OR6N1: variants seen among roughly 807,000 people sequenced by gnomAD.
OR6N1 encodes olfactory receptor 6N1.
For missense variants in OR6N1, 394 were observed against 371.7 expected (o/e 1.06, Z -0.49); for synonymous variants, 170 against 150.7 (o/e 1.13, Z -0.94).
rs1657184274 is a variant in OR6N1 at position 158,764,300 on chromosome 1, TG to T, written c.*1443del. The T allele has an allele frequency of 2.0e-5, 3 of 150,900 alleles. No homozygotes were observed. The South Asian group carries it at 6.2e-4, about 31-fold the overall frequency. The allele number at this position is 150,900 out of a possible 1,614,324, so 9.3% of individuals were successfully genotyped here. A position where few individuals can be genotyped will look rare whatever the true frequency, so the allele number is the denominator to read the frequency against. On this transcript the variant is annotated 3_prime_UTR_variant, in exon 2 of 2. Coordinates refer to ENST00000641846, the MANE Select transcript of OR6N1 (RefSeq NM_001005185.2). ...ATTCTCAATAAACTTCAAAGACAAG[TG>T]AAAAAAAAGGAGAATGCATGTTTAT... is the stretch of plus-strand genomic sequence containing the variant.
At chr1:158,801,189 G>A in the OR6N1 span, among the ~76,000 whole-genome samples, 2 of 150,940 alleles carry the variant, frequency 1.3e-5, no homozygotes, top group Non-Finnish European at 2.9e-5. Flanking sequence ...GTGTGTGTGT[G>A]TGTGGTCTGT....
chr1:158,783,721 A>G, the OR6N1 span, among the ~76,000 whole-genome samples: 1 of 152,150 alleles, frequency 6.6e-6, no homozygotes, highest in South Asian at 2.1e-4. Context: ...GAAGACAGGG[A>G]CTGTATTTTT....
chr1:158,773,610 C>T (rs1037745731), upstream of OR6N1, among the ~76,000 whole-genome samples: 10 of 152,128 alleles, frequency 6.6e-5, no homozygotes, highest in Non-Finnish European at 1.0e-4. Context: ...GACTAAACCT[C>T]AGCCTTGGCT....
the OR6N1 span, among the ~76,000 whole-genome samples, chr1:158,798,314 A>G: frequency 1.3e-5 from 2 of 150,196 alleles, no homozygotes; most frequent in African/African-American, 4.9e-5. Flanking sequence ...TCTAATTTTT[A>G]AACTTGAATG....
the OR6N1 span, among the ~76,000 whole-genome samples, chr1:158,836,315 TA>T: frequency 3.3e-5 from 5 of 152,008 alleles, no homozygotes; most frequent in African/African-American, 1.2e-4. Flanking sequence ...AATTCTTCTT[TA>T]TATATTTGGT....
chr1:158,820,661 A>G, the OR6N1 span, among the ~76,000 whole-genome samples: 1 of 152,216 alleles, frequency 6.6e-6, no homozygotes, highest in Non-Finnish European at 1.5e-5. Flanking sequence ...CTAAAATCCC[A>G]AACAGTTTTT....
At chr1:158,788,980 A>C in the OR6N1 span, among the ~76,000 whole-genome samples, 1 of 152,206 alleles carries the variant, frequency 6.6e-6, no homozygotes, top group African/African-American at 2.4e-5. Context: ...AGAAATTGAC[A>C]AAATATGTAA....
chr1:158,810,908 G>A, the OR6N1 span, among the ~76,000 whole-genome samples: 7 of 150,610 alleles, frequency 4.6e-5, no homozygotes, highest in East Asian at 7.7e-4. Context: ...ATACATGTGC[G>A]GTACATGTAC....
At chr1:158,777,770 C>CAG in the OR6N1 span, 1 of 602,578 alleles carries the variant, frequency 1.7e-6, no homozygotes. Context: ...GCCCTCACTA[C>CAG]TATTACTATT....
At chr1:158,779,517 C>A in the OR6N1 span, among the ~76,000 whole-genome samples, 1 of 152,352 alleles carries the variant, frequency 6.6e-6, no homozygotes, top group African/African-American at 2.4e-5. Flanking sequence ...ACATTTCTTT[C>A]AAACTCAAAT....
At chr1:158,839,958 C>G in the OR6N1 span, among the ~76,000 whole-genome samples, 1 of 152,076 alleles carries the variant, frequency 6.6e-6, no homozygotes, top group Non-Finnish European at 1.5e-5. Flanking sequence ...ACATTTTGAC[C>G]AGATACAAAA....
chr1:158,771,381 C>G (rs372469906), intron 1 of OR6N1, among the ~76,000 whole-genome samples: 1 of 152,052 alleles, frequency 6.6e-6, no homozygotes, highest in African/African-American at 2.4e-5. Context: ...CTGATATATC[C>G]GAGTTATGGT....
the OR6N1 span, among the ~76,000 whole-genome samples, chr1:158,839,672 C>T: frequency 6.6e-6 from 1 of 152,162 alleles, no homozygotes; most frequent in South Asian, 2.1e-4. Flanking sequence ...AAGTTTCCTC[C>T]TGATCACGTC....
chr1:158,811,763 A>G, the OR6N1 span, among the ~76,000 whole-genome samples: 1 of 152,226 alleles, frequency 6.6e-6, no homozygotes, highest in African/African-American at 2.4e-5. Context: ...AGATTTTCAC[A>G]CGGATCACAT....
the OR6N1 span, among the ~76,000 whole-genome samples, chr1:158,806,930 G>A: frequency 6.7e-6 from 1 of 149,918 alleles, no homozygotes; most frequent in African/African-American, 2.5e-5. Context: ...TTGAACTCGG[G>A]AGGCAGTGGT....
the OR6N1 span, chr1:158,777,574 C>T: frequency 6.2e-7 from 1 of 1,614,044 alleles, no homozygotes; most frequent in Non-Finnish European, 8.5e-7. Flanking sequence ...CCTGACATAG[C>T]CCACACTGGC....
chr1:158,830,969 T>C, the OR6N1 span, among the ~76,000 whole-genome samples: 149 of 152,270 alleles, frequency 9.8e-4, no homozygotes, highest in Non-Finnish European at 1.9e-3. Context: ...CAAGTTCTGG[T>C]AGCAATAGAC....
rs1657280085 is a variant in OR6N1 at position 158,766,618 on chromosome 1, C to T, written c.65G>A (p.Gly22Asp). The T allele has an allele frequency of 6.2e-7, 1 of 1,613,788 alleles. No individual in the cohort carries two copies. Among genetic ancestry groups the T allele is most frequent in the Admixed American group, 1.7e-5 (1 of 59,960 alleles). The stretch of plus-strand genomic sequence containing the variant: ...CAAGAGGAAGAGATAAATCTGGACA[C>T]CCTGGAGATGGGGGAAGCCCAAGAT... Reference protein sequence around the residue: ...FIILGFPHLQGVQIYLFLLLL... With the variant: ...FIILGFPHLQDVQIYLFLLLL... Residue 22 changes from glycine to aspartate, a missense_variant, in exon 2 of 2, where the codon GGT becomes GAT. Coordinates refer to ENST00000641846, the MANE Select transcript of OR6N1 (RefSeq NM_001005185.2).
rs74122468 is a variant in OR6N1, at chr1:158,770,616, G to T, written c.-19+1405C>A. On this transcript the variant is annotated intron_variant, in intron 1 of 1. Coordinates refer to ENST00000641846, the MANE Select transcript of OR6N1 (RefSeq NM_001005185.2). ...ATTTCACTGGATTGTTGGAATATCT[G>T]AAATGTATTATATATTTCCAACAGC... Among the ~76,000 whole-genome samples, 1,497 of 152,218 alleles carry T rather than the reference G, an allele frequency of 9.8e-3. 33 individuals carry two copies. The highest frequency in any genetic ancestry group is 0.034 in the African/African-American group (1,417 of 41,530).
Sources: allele counts gnomAD v4.1 joint callset (sites outside exome capture counted in the v4.1 genomes callset), GRCh38; gene constraint gnomAD v4.1.1; transcripts MANE v1.5; gene names NCBI Gene and HGNC (gene_info 2026-07-23, HGNC 2026-07-21).